Variants in LMBRD1 observed in about 807,000 individuals in gnomAD.
LMBRD1 encodes the protein lysosomal cobalamin transport escort protein LMBD1.
Under a neutral mutation model 74.8 loss-of-function variants are expected in LMBRD1, and 64 were observed. The observed-to-expected ratio is 0.86, with a 90% CI of 0.70 to 1.05. The LOEUF (loss-of-function observed/expected upper bound fraction) is 1.05, where lower values mean the gene tolerates loss of function less well. Among genes scored for constraint, LMBRD1 ranks in the 50% least tolerant of loss-of-function variants. LMBRD1 has a pLI of 0.00. For synonymous variants in LMBRD1, 204 were observed against 216.3 expected (o/e 0.94, Z 0.50); for missense variants, 652 against 645.9 (o/e 1.01, Z -0.10).
chr6:69,734,499 G>C lies in LMBRD1; in HGVS notation c.636+3443C>G, dbSNP rs149759498. 4.2e-3 allele frequency among the ~76,000 whole-genome samples: 645 copies of C among 151,800 alleles called. 7 individuals are homozygous for C. The highest frequency in any genetic ancestry group is 0.015 in the African/African-American group (610 of 41,344). On this transcript the variant is annotated intron_variant, in intron 7 of 15. Transcript: ENST00000649934. ...CAACCTCTGCCTGCCGAATTCAAGCGATTCTCCTGCCTCAGTCTCCCGAGT... is the reference window on the plus strand; with the variant it reads ...CAACCTCTGCCTGCCGAATTCAAGCCATTCTCCTGCCTCAGTCTCCCGAGT...
intron 14 of LMBRD1, among the ~76,000 whole-genome samples, chr6:69,692,423 A>G (rs746469481): frequency 2.6e-5 from 4 of 152,220 alleles, no homozygotes; most frequent in Non-Finnish European, 4.4e-5. Context: ...CAAGTTTACA[A>G]TAACAAAGAT....
chr6:69,676,247 A>G lies in LMBRD1; in HGVS notation c.1534T>C (p.Ser512Pro), dbSNP rs1160016603. ...LGVFLIGLIV[S>P]CCKGKKSVIE... ...ACCGATTTCTTCCCTTTACAACAGG[A>G]TACAATTAATCCAATCAAAAATACC... The change falls in exon 16 of 16, where the codon TCC becomes CCC. Residue 512 changes from serine to proline, a missense_variant. By Grantham distance (74) the Ser-to-Pro change is moderately conservative. Coordinates refer to ENST00000649934, the MANE Select transcript of LMBRD1 (RefSeq NM_018368.4). 6.2e-7 allele frequency: 1 copy of G among 1,613,338 alleles called. No homozygotes were observed. The highest frequency in any genetic ancestry group is 8.5e-7 in the Non-Finnish European group (1 of 1,179,644).
intron 14 of LMBRD1, among the ~76,000 whole-genome samples, chr6:69,687,082 C>T (rs537404837): frequency 1.3e-5 from 2 of 152,282 alleles, no homozygotes; most frequent in East Asian, 3.9e-4. Flanking sequence ...GACAATCTTC[C>T]AGATACTTTT....
intron 6 of LMBRD1, among the ~76,000 whole-genome samples, chr6:69,739,792 C>T (rs1057405633): frequency 3.0e-5 from 4 of 134,254 alleles, no homozygotes; most frequent in South Asian, 2.5e-4. Context: ...CATTTTACTA[C>T]ATATAAAGCA....
intron 9 of LMBRD1, chr6:69,705,983 CG>C: frequency 1.2e-6 from 1 of 863,960 alleles, no homozygotes; most frequent in South Asian, 1.3e-5. Context: ...TCTGCTTCAA[CG>C]ATGTGTAATT....
chr6:69,708,375 G>A (rs890763371), intron 9 of LMBRD1, among the ~76,000 whole-genome samples: 3 of 152,152 alleles, frequency 2.0e-5, no homozygotes, highest in African/African-American at 7.2e-5. Context: ...AGCAGCAGCT[G>A]CAATTTTCTG....
At chr6:69,708,701 T>A (rs891215043) in intron 9 of LMBRD1, among the ~76,000 whole-genome samples, 22 of 152,052 alleles carry the variant, frequency 1.4e-4, no homozygotes, top group Admixed American at 1.4e-3. Context: ...TTTTTTTACA[T>A]TTGCAAAAAT....
chr6:69,776,347 T>G (rs1765701811), intron 3 of LMBRD1, among the ~76,000 whole-genome samples: 1 of 152,226 alleles, frequency 6.6e-6, no homozygotes, highest in Admixed American at 6.5e-5. Flanking sequence ...TTTTAAGAGT[T>G]TAAACCTTTT....
chr6:69,695,184 T>A (rs200043998), intron 14 of LMBRD1, among the ~76,000 whole-genome samples: 54,589 of 151,742 alleles, frequency 0.36, 10,385 homozygotes, highest in East Asian at 0.54. Context: ...CTTTCTGACA[T>A]TTTTCTTCAA....
At chr6:69,706,468 T>C (rs986037340) in intron 9 of LMBRD1, among the ~76,000 whole-genome samples, 3 of 152,226 alleles carry the variant, frequency 2.0e-5, no homozygotes, top group African/African-American at 4.8e-5. Flanking sequence ...GTTTGTAATA[T>C]ATCTACTGTT....
intron 3 of LMBRD1, among the ~76,000 whole-genome samples, chr6:69,764,730 C>T (rs1332342975): frequency 6.6e-6 from 1 of 152,156 alleles, no homozygotes; most frequent in East Asian, 1.9e-4. Context: ...ATGATTTATA[C>T]ATGATTTACA....
Position 69,687,922 on chromosome 6 carries a change from G to A in LMBRD1, c.1417+9641C>T, listed in dbSNP as rs144046710. ...CAGATGACCTACATTCTCCTGAAGA[G>A]GGTTATGTTCTTAGTTATATACTTT... is the stretch of plus-strand genomic sequence containing the variant. On this transcript the variant is annotated intron_variant, in intron 14 of 15. Coordinates refer to ENST00000649934, the MANE Select transcript of LMBRD1 (RefSeq NM_018368.4). Among the ~76,000 whole-genome samples the A allele has an allele frequency of 3.5e-3, 532 of 152,136 alleles. 1 individual carries two copies. Among genetic ancestry groups the A allele is most frequent in the African/African-American group, 0.012 (514 of 41,532 alleles).
intron 7 of LMBRD1, among the ~76,000 whole-genome samples, chr6:69,724,574 T>C (rs1766686469): frequency 1.3e-5 from 2 of 148,872 alleles, no homozygotes; most frequent in East Asian, 2.0e-4. Flanking sequence ...ATCTTTCTAA[T>C]CAATCGTTGT....
At chr6:69,699,740 A>T (rs2149843812) in intron 12 of LMBRD1, among the ~76,000 whole-genome samples, 1 of 151,960 alleles carries the variant, frequency 6.6e-6, no homozygotes, top group Non-Finnish European at 1.5e-5. Flanking sequence ...TTTCAATAGC[A>T]TAGCAAATGC....
At chr6:69,732,474 T>C (rs1467958262) in intron 7 of LMBRD1, among the ~76,000 whole-genome samples, 3 of 152,096 alleles carry the variant, frequency 2.0e-5, no homozygotes, top group Admixed American at 1.3e-4. Context: ...GAGAAATAAA[T>C]GTTTGTTGTT....
chr6:69,676,532 G>A lies in LMBRD1; in HGVS notation c.1427C>T (p.Thr476Ile). The A allele has an allele frequency of 6.2e-7, 1 of 1,611,666 alleles. No homozygotes were observed. The highest frequency in any genetic ancestry group is 1.3e-5 in the African/African-American group (1 of 74,946). ...CDADAPEDQC[T>I]VTRTYLFLHK... ...AAGGAATAGGTATGTCCGGGTAACAGTACACTGATCTGTGAAAGCAAATAA... is the reference window on the plus strand; with the variant it reads ...AAGGAATAGGTATGTCCGGGTAACAATACACTGATCTGTGAAAGCAAATAA... The change falls in exon 15 of 16, where the codon ACT (threonine) becomes ATT (isoleucine). Residue 476 changes from threonine (T) to isoleucine (I), a missense_variant. This residue lies in a region of LMBRD1 where 598 missense variants were observed against 581.8 expected (regional missense o/e 1.03). Coordinates refer to ENST00000649934, the MANE Select transcript of LMBRD1 (RefSeq NM_018368.4).
At chr6:69,747,525 C>A (rs772767974) in intron 5 of LMBRD1, among the ~76,000 whole-genome samples, 16 of 152,202 alleles carry the variant, frequency 1.1e-4, no homozygotes, top group Non-Finnish European at 2.1e-4. Context: ...TGACCAATTC[C>A]CATTCCTTCG....
At chr6:69,729,943 C>T (rs1173578246) in intron 7 of LMBRD1, among the ~76,000 whole-genome samples, 1 of 139,728 alleles carries the variant, frequency 7.2e-6, no homozygotes, top group African/African-American at 2.5e-5. Flanking sequence ...TTGAACTTCA[C>T]GAACTTCACT....
At chr6:69,756,321 CCACTG>C (rs1765265963) in intron 3 of LMBRD1, among the ~76,000 whole-genome samples, 2 of 149,730 alleles carry the variant, frequency 1.3e-5, no homozygotes, top group Non-Finnish European at 2.9e-5. Context: ...CCAATTCGCG[CCACTG>C]CACTGCAGCC....
Sources: allele counts gnomAD v4.1 joint callset (sites outside exome capture counted in the v4.1 genomes callset), GRCh38; gene constraint gnomAD v4.1.1; regional missense constraint gnomAD v4.1.1; transcripts MANE v1.5; gene names NCBI Gene and HGNC (gene_info 2026-07-23, HGNC 2026-07-21).